TRDMT1: variants seen among roughly 807,000 people sequenced by gnomAD.
TRDMT1 encodes the protein tRNA aspartic acid methyltransferase 1.
A neutral mutation model predicts 51.2 loss-of-function variants in TRDMT1; 49 were observed. The ratio of observed to expected loss-of-function variants is 0.96; its 90% CI spans 0.76 to 1.21. The LOEUF (loss-of-function observed/expected upper bound fraction) is 1.21, where lower values mean the gene tolerates loss of function less well. TRDMT1 is among the 50% of genes most tolerant of loss of function. The pLI is 0.00. For synonymous variants in TRDMT1, 187 were observed against 164.6 expected (o/e 1.14, Z -1.04); for missense variants, 534 against 462.3 (o/e 1.16, Z -1.42).
rs1294899265 is a variant in TRDMT1, at chr10:17,140,734, AC to A, written c.*8305del. ...TGCCACATTGATGAAAACAAAAACA[AC>A]AAAAAAGATCACATTCAATTGAAAA... On this transcript the variant is annotated 3_prime_UTR_variant, in exon 11 of 11. Coordinates refer to ENST00000377799, the MANE Select transcript of TRDMT1 (RefSeq NM_004412.7). 4.5e-4 allele frequency among the ~76,000 whole-genome samples: 7 copies of A among 15,386 alleles called. No homozygotes were observed. The highest frequency in any genetic ancestry group is 1.7e-3 in the Non-Finnish European group (1 of 574). The allele number at this position is 15,386 out of a possible 152,430, so 10.1% of individuals were successfully genotyped here.
In TRDMT1 at chr10:17,146,190, C is replaced by T. The variant is rs1040850950; in HGVS notation, c.*2850G>A. 14 of 985,332 alleles carry T rather than the reference C, an allele frequency of 1.4e-5. No homozygotes were observed. The highest frequency in any genetic ancestry group is 6.1e-5 in the Admixed American group (1 of 16,264). The allele number at this position is 985,332 out of a possible 1,614,324, so 61.0% of individuals were successfully genotyped here. Reference sequence around the variant, plus strand: ...TTACCCTCAAATTTCTAAAAAAGTGCTGGGTGGACCCTCACTGTTCACAAT... The same window carrying T: ...TTACCCTCAAATTTCTAAAAAAGTGTTGGGTGGACCCTCACTGTTCACAAT... On this transcript the variant is annotated 3_prime_UTR_variant, in exon 11 of 11. Transcript: ENST00000377799.
Position 17,168,882 on chromosome 10 carries a change from A to G in TRDMT1, c.210T>C (p.Phe70=), listed in dbSNP as rs7096233. 232,783 of 1,609,456 alleles carry G rather than the reference A, an allele frequency of 0.14. 17,671 individuals carry two copies. The highest frequency in any genetic ancestry group is 0.19 in the Admixed American group (11,454 of 59,706). The part of the protein sequence containing the change: ...ITLEEFDRLS[F]DMILMSPPCQ... ...AGGGAGGGCTCATTAAAATCATATC[A>G]AAAGATAATCTGTCAAACTCTTCGA... Residue 70 remains phenylalanine (F), a synonymous_variant, in exon 3 of 11, where the codon TTT becomes TTC. Transcript: ENST00000377799.
In TRDMT1 at chr10:17,201,648, C is replaced by T. The variant is rs746441178; in HGVS notation, c.-14G>A. 64 of 1,539,378 alleles carry T rather than the reference C, an allele frequency of 4.2e-5. No individual in the cohort carries two copies. Among genetic ancestry groups the T allele is most frequent in the Non-Finnish European group, 5.2e-5 (59 of 1,143,510 alleles). ...CAGGGGCTCCATCCCCGCGCCTCAG[C>T]CGCCGCAGCCCCGGAGCTAGGCCTG... On this transcript the variant is annotated 5_prime_UTR_variant, in exon 1 of 11. Coordinates refer to ENST00000377799, the MANE Select transcript of TRDMT1 (RefSeq NM_004412.7).
At chr10:17,194,550 A>G (rs1033752028) in intron 1 of TRDMT1, among the ~76,000 whole-genome samples, 6 of 152,192 alleles carry the variant, frequency 3.9e-5, no homozygotes, top group African/African-American at 1.4e-4. Context: ...AAATGAAAAA[A>G]AATAGTCATC....
At chr10:17,154,261 C>T (rs1839194167) in intron 9 of TRDMT1, among the ~76,000 whole-genome samples, 1 of 152,100 alleles carries the variant, frequency 6.6e-6, no homozygotes, top group Admixed American at 6.5e-5. Flanking sequence ...GAAGAGTTAA[C>T]AACTGAAGTA....
intron 1 of TRDMT1, among the ~76,000 whole-genome samples, chr10:17,186,049 TAATAAATA>T (rs10688504): frequency 0.06 from 8,533 of 143,030 alleles, 395 homozygotes; most frequent in African/African-American, 0.13. Context: ...ACTTACAGTA[TAATAAATA>T]AATAAATAAA....
chr10:17,158,658 A>T lies in TRDMT1; in HGVS notation c.543+488T>A, dbSNP rs533594163. 4.6e-5 allele frequency among the ~76,000 whole-genome samples: 7 copies of T among 152,322 alleles called. No homozygotes were observed. In the South Asian group the frequency reaches 1.4e-3, roughly 32 times the overall value. ...GAGATTCTTTCTGTAGCAATTAAGC[A>T]TTTTATTCTAGCTTGTACTAATCAT... On this transcript the variant is annotated intron_variant, in intron 7 of 10. Transcript: ENST00000377799.
chr10:17,153,125 A>C (rs1359649321), intron 10 of TRDMT1: 1 of 301,736 alleles, frequency 3.3e-6, no homozygotes, highest in Non-Finnish European at 6.1e-6. Context: ...ATTTATAAAA[A>C]GCCAATCGAA....
In TRDMT1 at chr10:17,154,713, C is replaced by G. The variant is rs779472336; in HGVS notation, c.909G>C (p.Gly303=). 5.0e-6 allele frequency: 8 copies of G among 1,605,334 alleles called. No homozygotes were observed. In the East Asian group the frequency reaches 1.8e-4, roughly 36 times the overall value. ...FTKGYGSYIE[G]TGSVLQTAED... Reference sequence around the variant, plus strand: ...CTGCAGTCTGTAACACAGACCCTGTCCCTTCTATGTAGCTTCCATATCTGA... The same window carrying G: ...CTGCAGTCTGTAACACAGACCCTGTGCCTTCTATGTAGCTTCCATATCTGA... Residue 303 remains glycine (G), a synonymous_variant, in exon 9 of 11, where the codon GGG becomes GGC. Transcript: ENST00000377799.
At chr10:17,185,848 T>C (rs577993247) in intron 1 of TRDMT1, among the ~76,000 whole-genome samples, 20 of 152,080 alleles carry the variant, frequency 1.3e-4, no homozygotes, top group African/African-American at 2.4e-4. Flanking sequence ...TAGGTGGGAA[T>C]TGAACAATGA....
At chr10:17,159,415 A>G (rs1237624857) in intron 6 of TRDMT1, among the ~76,000 whole-genome samples, 186 bp from the exon 7 acceptor site, 1 of 152,192 alleles carries the variant, frequency 6.6e-6, no homozygotes, top group Non-Finnish European at 1.5e-5. Flanking sequence ...TTAAGTTGCT[A>G]CTTTGTACTT....
At chr10:17,151,749 G>A in intron 10 of TRDMT1, 1 of 814,780 alleles carries the variant, frequency 1.2e-6, no homozygotes, top group Non-Finnish European at 1.5e-6. Flanking sequence ...TAAATACATG[G>A]CTCATTCTAA....
intron 3 of TRDMT1, among the ~76,000 whole-genome samples, chr10:17,167,175 C>T (rs180851154): frequency 5.9e-5 from 9 of 152,136 alleles, no homozygotes; most frequent in Admixed American, 2.6e-4. Context: ...AAAAATAATG[C>T]CTGGCTTGTA....
At chr10:17,178,592 C>T (rs184775691) in intron 1 of TRDMT1, among the ~76,000 whole-genome samples, 8 of 150,912 alleles carry the variant, frequency 5.3e-5, no homozygotes, top group African/African-American at 2.0e-4. Flanking sequence ...AGGAGAATCG[C>T]TTCAACCCTG....
chr10:17,147,947 C>T lies in TRDMT1; in HGVS notation c.*1093G>A. The T allele has an allele frequency of 3.1e-6, 3 of 974,274 alleles. No homozygotes were observed. Among genetic ancestry groups the T allele is most frequent in the Non-Finnish European group, 2.4e-6 (2 of 819,844 alleles). 60.4% of individuals were successfully genotyped at this position (974,274 alleles called of 1,614,324 possible). On this transcript the variant is annotated 3_prime_UTR_variant, in exon 11 of 11. Transcript: ENST00000377799. Reference sequence around the variant, plus strand: ...GTTCCCACAAGCAATGCACAAACTTCCAATTTATCCACCTCTAAATAGCTG... The same window carrying T: ...GTTCCCACAAGCAATGCACAAACTTTCAATTTATCCACCTCTAAATAGCTG...
intron 1 of TRDMT1, among the ~76,000 whole-genome samples, chr10:17,194,980 GGCTGC>G: frequency 6.8e-6 from 1 of 146,644 alleles, no homozygotes; most frequent in South Asian, 2.2e-4. Flanking sequence ...ATGCTGGCAA[GGCTGC>G]GGAGAAAAGG....
intron 10 of TRDMT1, chr10:17,152,802 C>G (rs1387934814): frequency 6.6e-6 from 1 of 152,458 alleles, no homozygotes; most frequent in Non-Finnish European, 1.5e-5. Flanking sequence ...TCTTGGACTG[C>G]CAATGGAATT....
chr10:17,163,984 T>C (rs1339331515), intron 3 of TRDMT1, among the ~76,000 whole-genome samples: 3 of 152,026 alleles, frequency 2.0e-5, no homozygotes, highest in Non-Finnish European at 2.9e-5. Flanking sequence ...TTCCAATCAA[T>C]AGAAAAAGAG....
Position 17,148,953 on chromosome 10 carries a change from A to G in TRDMT1, c.*87T>C. The G allele has an allele frequency of 7.1e-7, 1 of 1,415,060 alleles. No individual in the cohort carries two copies. The highest frequency in any genetic ancestry group is 9.3e-7 in the Non-Finnish European group (1 of 1,077,874). 87.7% of individuals were successfully genotyped at this position (1,415,060 alleles called of 1,614,324 possible). On this transcript the variant is annotated 3_prime_UTR_variant, in exon 11 of 11. Coordinates refer to ENST00000377799, the MANE Select transcript of TRDMT1 (RefSeq NM_004412.7). ...GATTAAAATAATTTAGTTAAATTTC[A>G]CCAGAATTAGTTCAAAACAGAATTT...
Sources: gnomAD v4.1 joint callset for allele counts (sites outside exome capture counted in the v4.1 genomes callset) on GRCh38, gnomAD v4.1.1 for gene constraint, MANE v1.5 for transcripts, NCBI Gene and HGNC (gene_info 2026-07-23, HGNC 2026-07-21) for gene names.